FOXP1: variants seen among roughly 807,000 people sequenced by gnomAD.
The protein encoded by FOXP1 is forkhead box protein P1.
FOXP1 carries 15 observed loss-of-function variants against 98.2 expected under a neutral mutation model. The observed-to-expected ratio is 0.15, with a 90% confidence interval of 0.10 to 0.24. The LOEUF is 0.24. Among genes scored for constraint, FOXP1 ranks in the 10% least tolerant of loss-of-function variants. FOXP1 has a pLI of 1.00. For missense variants in FOXP1, 633 were observed against 848.5 expected (o/e 0.75, Z 3.15); for synonymous variants, 371 against 314.5 (o/e 1.18, Z -1.90).
intron 3 of FOXP1, among the ~76,000 whole-genome samples, chr3:71,397,051 C>CATATATATGTGTATATATATACACACAT (rs2081530110): frequency 2.7e-5 from 1 of 36,864 alleles, no homozygotes; most frequent in Non-Finnish European, 6.0e-5. Flanking sequence ...TATATATACA[C>CATATATATGTGTATATATATACACACAT]ATATATATGT....
intron 12 of FOXP1, among the ~76,000 whole-genome samples, chr3:71,012,430 C>T (rs2043791027): frequency 6.6e-6 from 1 of 152,154 alleles, no homozygotes; most frequent in Non-Finnish European, 1.5e-5. Context: ...ACGGCTGTTG[C>T]TTAATTTAAA....
At chr3:71,529,065 T>C (rs995180892) in intron 2 of FOXP1, among the ~76,000 whole-genome samples, 1 of 152,314 alleles carries the variant, frequency 6.6e-6, no homozygotes, top group Middle Eastern at 3.4e-3. Context: ...ACAGGAGGCT[T>C]TTCTGTGATG....
At chr3:71,201,843 C>T (rs2063696194) in intron 5 of FOXP1, among the ~76,000 whole-genome samples, 1 of 152,026 alleles carries the variant, frequency 6.6e-6, no homozygotes, top group Non-Finnish European at 1.5e-5. Flanking sequence ...AATACCTTCC[C>T]ATACCAGGGA....
At chr3:71,574,885 A>C (rs2107831499) in intron 2 of FOXP1, among the ~76,000 whole-genome samples, 1 of 152,294 alleles carries the variant, frequency 6.6e-6, no homozygotes, top group Admixed American at 6.5e-5. Context: ...TGTTTCTCTA[A>C]GTCTCCAAGG....
chr3:71,262,083 T>C (rs768351357), intron 5 of FOXP1, among the ~76,000 whole-genome samples: 10 of 151,628 alleles, frequency 6.6e-5, no homozygotes, highest in Admixed American at 1.3e-4. Flanking sequence ...CTGGCCAACA[T>C]GGTGAAACCC....
chr3:71,151,453 C>T (rs1439326882), intron 6 of FOXP1, among the ~76,000 whole-genome samples: 2 of 152,086 alleles, frequency 1.3e-5, no homozygotes, highest in African/African-American at 4.8e-5. Flanking sequence ...TGCTCATCTG[C>T]CTGCCTGCCC....
chr3:71,353,810 C>T (rs1214430563), intron 4 of FOXP1, among the ~76,000 whole-genome samples: 2 of 152,098 alleles, frequency 1.3e-5, no homozygotes, highest in African/African-American at 4.8e-5. Context: ...CAATGAACAA[C>T]AAATGTCAAC....
chr3:71,019,867 A>G (rs555776352), intron 11 of FOXP1, among the ~76,000 whole-genome samples: 1 of 151,778 alleles, frequency 6.6e-6, no homozygotes, highest in African/African-American at 2.4e-5. Flanking sequence ...AAAACAAAAC[A>G]AAACAAAACA....
chr3:71,213,793 G>A (rs1272148543), intron 5 of FOXP1, among the ~76,000 whole-genome samples: 2 of 152,104 alleles, frequency 1.3e-5, no homozygotes, highest in Admixed American at 6.5e-5. Flanking sequence ...TCCAGCCTGG[G>A]CGACAGAGCA....
At chr3:71,167,072 G>A (rs998047526) in intron 6 of FOXP1, among the ~76,000 whole-genome samples, 4 of 151,946 alleles carry the variant, frequency 2.6e-5, no homozygotes, top group Non-Finnish European at 4.4e-5. Flanking sequence ...TTCAGGATAC[G>A]AGATCACAGT....
chr3:71,428,927 C>T (rs998725283), intron 3 of FOXP1, among the ~76,000 whole-genome samples: 4 of 152,190 alleles, frequency 2.6e-5, no homozygotes, highest in Admixed American at 6.5e-5. Context: ...CCTGAGGTCC[C>T]GTTCAGCTCG....
intron 3 of FOXP1, among the ~76,000 whole-genome samples, chr3:71,436,849 T>C (rs758217770): frequency 6.6e-6 from 1 of 152,178 alleles, no homozygotes; most frequent in Non-Finnish European, 1.5e-5. Context: ...TGGCGTAACT[T>C]TGACATCTAT....
intron 6 of FOXP1, among the ~76,000 whole-genome samples, chr3:71,125,131 G>C (rs2059068903): frequency 6.6e-6 from 1 of 152,172 alleles, no homozygotes; most frequent in Non-Finnish European, 1.5e-5. Context: ...TGCAGGAATG[G>C]CTGCCTAAGA....
At position 71,529,449 on chromosome 3, in the gene FOXP1, G is replaced by T. The variant is rs144776237; in HGVS notation, c.-297-35894C>A. ...TTAAAAACTTTGGAAACCCCAAAGTGATAATTGTCTTTTTGTATGCCATGG... is the reference window on the plus strand; with the variant it reads ...TTAAAAACTTTGGAAACCCCAAAGTTATAATTGTCTTTTTGTATGCCATGG... On this transcript the variant is annotated intron_variant, in intron 2 of 20. Coordinates refer to ENST00000649528, the MANE Select transcript of FOXP1 (RefSeq NM_001349338.3). Among the ~76,000 whole-genome samples the T allele has an allele frequency of 3.8e-3, 574 of 152,324 alleles. 3 individuals carry two copies. Among genetic ancestry groups the T allele is most frequent in the African/African-American group, 0.013 (522 of 41,564 alleles).
chr3:71,170,294 G>A (rs1049526770), intron 6 of FOXP1, among the ~76,000 whole-genome samples: 2 of 152,106 alleles, frequency 1.3e-5, no homozygotes, highest in Non-Finnish European at 2.9e-5. Context: ...CTCCCCCCAC[G>A]CCCTCACTCC....
At position 71,383,102 on chromosome 3, in the gene FOXP1, G is replaced by A. The variant is rs145159003; in HGVS notation, c.-167-23858C>T. Among the ~76,000 whole-genome samples the A allele has an allele frequency of 1.6e-3, 242 of 152,276 alleles. 1 individual carries two copies. The highest frequency in any genetic ancestry group is 3.4e-3 in the Middle Eastern group (1 of 292). ...AGATAACACCATCAGGAAACTGCCT[G>A]ATGTTCCTCATCTAATTATGAGATA... On this transcript the variant is annotated intron_variant, in intron 3 of 20. Transcript: ENST00000649528.
intron 6 of FOXP1, among the ~76,000 whole-genome samples, chr3:71,115,932 T>C (rs1275049589): frequency 6.6e-6 from 1 of 151,880 alleles, no homozygotes; most frequent in Non-Finnish European, 1.5e-5. Flanking sequence ...AGGCGGGGTT[T>C]TGCCACGTCG....
chr3:71,500,312 C>T (rs1048441335), intron 2 of FOXP1, among the ~76,000 whole-genome samples: 4 of 152,340 alleles, frequency 2.6e-5, no homozygotes, highest in South Asian at 2.1e-4. Context: ...GTTTATTGCT[C>T]TCTTTTTCAC....
chr3:71,320,973 T>C (rs2075354260), intron 4 of FOXP1, among the ~76,000 whole-genome samples: 1 of 152,178 alleles, frequency 6.6e-6, no homozygotes, highest in Non-Finnish European at 1.5e-5. Flanking sequence ...AATCATCTTA[T>C]TGTTTATGAT....
Sources: gnomAD v4.1 joint callset for allele counts (sites outside exome capture counted in the v4.1 genomes callset) on GRCh38, gnomAD v4.1.1 for gene constraint, MANE v1.5 for transcripts, NCBI Gene and HGNC (gene_info 2026-07-23, HGNC 2026-07-21) for gene names.